C10orf90: variants seen among roughly 807,000 people sequenced by gnomAD.
C10orf90 encodes chromosome 10 open reading frame 90.
A neutral mutation model predicts 62.5 loss-of-function variants in C10orf90; 56 were observed. The observed-to-expected ratio is 0.90, with a 90% CI of 0.72 to 1.12. C10orf90 has a LOEUF of 1.12. Ranked by LOEUF, C10orf90 falls within the 50% of genes most tolerant of loss-of-function variation. C10orf90 has a pLI of 0.00. For synonymous variants in C10orf90, 386 were observed against 340.4 expected (o/e 1.13, Z -1.47); for missense variants, 970 against 880.4 (o/e 1.10, Z -1.29).
chr10:126,646,133 G>A (rs943034373), intron 2 of C10orf90, among the ~76,000 whole-genome samples: 2 of 152,124 alleles, frequency 1.3e-5, no homozygotes, highest in African/African-American at 4.8e-5. Flanking sequence ...CTCACCTAGC[G>A]TTTTTACAGT....
At chr10:126,518,057 T>C (rs1011855603) in intron 2 of C10orf90, among the ~76,000 whole-genome samples, 2 of 30,882 alleles carry the variant, frequency 6.5e-5, no homozygotes, top group African/African-American at 7.5e-4. Context: ...CTCACTCTTG[T>C]ATGTTTTTTT....
intron 3 of C10orf90, among the ~76,000 whole-genome samples, chr10:126,512,293 G>A (rs1863154842): frequency 6.6e-6 from 1 of 150,580 alleles, no homozygotes; most frequent in Non-Finnish European, 1.5e-5. Flanking sequence ...ACAGAAGTGT[G>A]TGTGTGTGTG....
chr10:126,491,786 C>T (rs1180991973), intron 4 of C10orf90, among the ~76,000 whole-genome samples: 1 of 152,174 alleles, frequency 6.6e-6, no homozygotes, highest in Non-Finnish European at 1.5e-5. Context: ...GCATTTCCAA[C>T]CGGTAGAAAA....
At chr10:126,567,239 C>G (rs1246482568) in intron 2 of C10orf90, among the ~76,000 whole-genome samples, 2 of 152,168 alleles carry the variant, frequency 1.3e-5, no homozygotes, top group Non-Finnish European at 2.9e-5. Flanking sequence ...CTGGGAAAGC[C>G]TCAGGAAACT....
At chr10:126,667,454 T>C (rs553587583) in intron 1 of C10orf90, among the ~76,000 whole-genome samples, 4 of 152,190 alleles carry the variant, frequency 2.6e-5, no homozygotes, top group Non-Finnish European at 5.9e-5. Context: ...CAAATAGTGA[T>C]TTCCAAATAC....
At chr10:126,648,665 AG>A (rs998768596) in intron 1 of C10orf90, among the ~76,000 whole-genome samples, 3 of 152,200 alleles carry the variant, frequency 2.0e-5, no homozygotes, top group Admixed American at 2.0e-4. Flanking sequence ...TTAAATCTTA[AG>A]TCTGTCAGAA....
In C10orf90 at chr10:126,649,079, C is replaced by CG. The variant is rs1395753559; in HGVS notation, c.241-2443_241-2442insC. 1.0e-4 allele frequency among the ~76,000 whole-genome samples: 11 copies of CG among 108,790 alleles called. 1 individual carries two copies. The highest frequency in any genetic ancestry group is 6.1e-4 in the East Asian group (2 of 3,294). The allele number at this position is 108,790 out of a possible 152,430, so 71.4% of individuals were successfully genotyped here. A position where few individuals can be genotyped will look rare whatever the true frequency, so the allele number is the denominator to read the frequency against. ...CTCTCTCTCTCTCTCTCTCCCCCCCCCCCAGCAATTCACAATGGATGGCAA... is the reference window on the plus strand; with the variant it reads ...CTCTCTCTCTCTCTCTCTCCCCCCCCGCCCAGCAATTCACAATGGATGGCAA... On this transcript the variant is annotated intron_variant, in intron 1 of 9. Coordinates refer to ENST00000488181, the MANE Select transcript of C10orf90 (RefSeq NM_001350921.2).
intron 5 of C10orf90, among the ~76,000 whole-genome samples, chr10:126,462,724 A>C (rs764281935): frequency 6.6e-6 from 1 of 152,138 alleles, no homozygotes; most frequent in Admixed American, 6.5e-5. Context: ...CGTGGGATGC[A>C]TCTCCATGAT....
At chr10:126,621,761 C>T (rs1845647893) in intron 2 of C10orf90, among the ~76,000 whole-genome samples, 1 of 152,080 alleles carries the variant, frequency 6.6e-6, no homozygotes, top group South Asian at 2.1e-4. Context: ...AATAAAAATT[C>T]CTCTGTATGA....
intron 7 of C10orf90, among the ~76,000 whole-genome samples, chr10:126,441,391 A>C (rs1158775716): frequency 6.6e-6 from 1 of 152,056 alleles, no homozygotes; most frequent in Non-Finnish European, 1.5e-5. Context: ...GATTATGTTA[A>C]ATTACTAAAA....
chr10:126,432,639 C>T (rs1857657030), intron 7 of C10orf90, among the ~76,000 whole-genome samples: 1 of 152,208 alleles, frequency 6.6e-6, no homozygotes, highest in South Asian at 2.1e-4. Context: ...GAGAAGGGCA[C>T]AGTGAGCTTC....
At chr10:126,512,613 G>T (rs73373058) in intron 3 of C10orf90, among the ~76,000 whole-genome samples, 14,202 of 151,930 alleles carry the variant, frequency 0.093, 1,057 homozygotes, top group African/African-American at 0.21. Flanking sequence ...CAGCAGAATC[G>T]CCCCCATGCC....
intron 3 of C10orf90, among the ~76,000 whole-genome samples, chr10:126,508,962 AC>A (rs1298064047): frequency 6.6e-6 from 1 of 152,108 alleles, no homozygotes; most frequent in Non-Finnish European, 1.5e-5. Flanking sequence ...ACACGTCTGG[AC>A]CGAGCCCTGA....
chr10:126,490,831 C>T (rs1029423745), intron 4 of C10orf90, among the ~76,000 whole-genome samples: 4 of 151,844 alleles, frequency 2.6e-5, no homozygotes, highest in African/African-American at 9.7e-5. Flanking sequence ...TACGAAAAGC[C>T]TTACCTAGAG....
intron 2 of C10orf90, among the ~76,000 whole-genome samples, chr10:126,588,172 G>T (rs768458762): frequency 2.0e-5 from 3 of 152,218 alleles, no homozygotes; most frequent in Non-Finnish European, 4.4e-5. Flanking sequence ...GGGGAGTCCA[G>T]GCGGTCGGAA....
intron 2 of C10orf90, among the ~76,000 whole-genome samples, chr10:126,542,205 T>G (rs1221525574): frequency 2.0e-5 from 3 of 152,148 alleles, no homozygotes; most frequent in African/African-American, 7.2e-5. Flanking sequence ...TTAGTGAGTA[T>G]GAGGTTTGGG....
intron 7 of C10orf90, among the ~76,000 whole-genome samples, chr10:126,447,827 G>C (rs890305871): frequency 3.1e-5 from 3 of 96,494 alleles, no homozygotes; most frequent in Non-Finnish European, 5.9e-5. Context: ...ATCATATCAA[G>C]TATCTTTTCG....
rs1437002917 is a variant in C10orf90 at position 126,425,229 on chromosome 10, G to T, written c.*635C>A. 6.6e-6 allele frequency: 1 copy of T among 152,018 alleles called. No homozygotes were observed. 9.4% of individuals were successfully genotyped at this position (152,018 alleles called of 1,614,324 possible). A position where few individuals can be genotyped will look rare whatever the true frequency, so the allele number is the denominator to read the frequency against. On this transcript the variant is annotated 3_prime_UTR_variant, in exon 10 of 10. Transcript: ENST00000488181. Reference sequence around the variant, plus strand: ...TTACGTCAGAGCTTCCATAGAAATGGATTCTTTTCTCTGGTGAGGAATGGG... The same window carrying T: ...TTACGTCAGAGCTTCCATAGAAATGTATTCTTTTCTCTGGTGAGGAATGGG...
chr10:126,533,511 C>A (rs1864157419), intron 2 of C10orf90, among the ~76,000 whole-genome samples: 1 of 152,192 alleles, frequency 6.6e-6, no homozygotes, highest in African/African-American at 2.4e-5. Context: ...CTGGACAAAA[C>A]AAACCAGTCC....
Sources: allele counts gnomAD v4.1 joint callset (sites outside exome capture counted in the v4.1 genomes callset), GRCh38; gene constraint gnomAD v4.1.1; transcripts MANE v1.5; gene names NCBI Gene and HGNC (gene_info 2026-07-23, HGNC 2026-07-21).